SFMBT2: variants seen among roughly 807,000 people sequenced by gnomAD.
SFMBT2 encodes scm-like with four MBT domains protein 2.
Under a neutral mutation model 110.1 loss-of-function variants are expected in SFMBT2, and 38 were observed. The ratio of observed to expected loss-of-function variants is 0.35; its 90% CI spans 0.27 to 0.45. The LOEUF is 0.45. SFMBT2 is among the 20% of genes least tolerant of loss of function. The pLI is 1.00. For missense variants in SFMBT2, 1,011 were observed against 1,094.9 expected (o/e 0.92, Z 1.08); for synonymous variants, 425 against 425.4 (o/e 1.00, Z 0.01).
At position 7,285,952 on chromosome 10, in the gene SFMBT2, T is replaced by C. The variant is rs965507730; in HGVS notation, c.439A>G (p.Ile147Val). 1 of 871,124 alleles carries C rather than the reference T, an allele frequency of 1.1e-6. No homozygotes were observed. The allele number at this position is 871,124 out of a possible 1,614,324, so 54.0% of individuals were successfully genotyped here. Reference protein sequence around the residue: ...NNKVLMPPDAIKEKYTDWTEF... With the variant: ...NNKVLMPPDAVKEKYTDWTEF... The stretch of plus-strand genomic sequence containing the variant: ...GTCCAGTCTGTGTACTTCTCTTTGA[T>C]TGCTGGCAAGACAAAGGAGAAAGAA... The change falls in exon 5 of 21, where the codon ATC becomes GTC. Residue 147 changes from isoleucine to valine, a missense_variant and splice_region_variant. Ile to Val is a conservative substitution (Grantham distance 29). Around this residue, in one of 2 missense-constraint regions of SFMBT2, gnomAD observed 979 missense variants for 1,016.1 expected, o/e 0.96. Coordinates refer to ENST00000397167, the MANE Select transcript of SFMBT2 (RefSeq NM_001387889.1).
chr10:7,361,860 A>G (rs894857169), intron 4 of SFMBT2, among the ~76,000 whole-genome samples: 2 of 152,178 alleles, frequency 1.3e-5, no homozygotes, highest in African/African-American at 4.8e-5. Context: ...ATCTTCCACG[A>G]GCATCTTTTT....
rs1837574332 is a variant in SFMBT2 at position 7,162,454 on chromosome 10, G to A, written c.*1316C>T. 1 of 152,340 alleles carries A rather than the reference G, an allele frequency of 6.6e-6. No individual in the cohort carries two copies. The highest frequency in any genetic ancestry group is 1.5e-5 in the Non-Finnish European group (1 of 68,124). 9.4% of individuals were successfully genotyped at this position (152,340 alleles called of 1,614,324 possible). ...AGAGTTTGTTCTCAGCGAAACCAGG[G>A]TGCCAAGTGGCTGACTCCAGATTCA... On this transcript the variant is annotated 3_prime_UTR_variant, in exon 21 of 21. Transcript: ENST00000397167.
chr10:7,288,378 A>AT (rs1442329054), intron 4 of SFMBT2, among the ~76,000 whole-genome samples: 4 of 152,160 alleles, frequency 2.6e-5, no homozygotes, highest in Non-Finnish European at 4.4e-5. Flanking sequence ...TTATCACTAG[A>AT]TTTTTTCTCA....
intron 5 of SFMBT2, chr10:7,285,611 T>C (rs576371623): frequency 3.3e-4 from 146 of 437,010 alleles, no homozygotes; most frequent in African/African-American, 2.5e-3. Context: ...TCCTAGCATA[T>C]TGTGATTTAA....
At chr10:7,354,798 T>C (rs1303978482) in intron 4 of SFMBT2, among the ~76,000 whole-genome samples, 1 of 152,200 alleles carries the variant, frequency 6.6e-6, no homozygotes, top group Non-Finnish European at 1.5e-5. Flanking sequence ...ATCTTCATAA[T>C]GTCAATCAAA....
intron 7 of SFMBT2, among the ~76,000 whole-genome samples, chr10:7,267,902 C>T (rs1347136171): frequency 6.6e-6 from 1 of 152,212 alleles, no homozygotes; most frequent in African/African-American, 2.4e-5. Context: ...GAGCTTCTGT[C>T]TTCTCCCAGC....
At chr10:7,318,400 AT>A (rs967936729) in intron 4 of SFMBT2, among the ~76,000 whole-genome samples, 12 of 151,648 alleles carry the variant, frequency 7.9e-5, no homozygotes, top group African/African-American at 1.9e-4. Flanking sequence ...TAAAAGCATG[AT>A]TTTTTTTTCA....
At chr10:7,378,110 G>A (rs939912151) in intron 2 of SFMBT2, among the ~76,000 whole-genome samples, 59 of 150,054 alleles carry the variant, frequency 3.9e-4, no homozygotes, top group Non-Finnish European at 7.7e-4. Flanking sequence ...TGTATGGATG[G>A]GTGGATGATG....
chr10:7,346,624 ACT>A (rs1237946528), intron 4 of SFMBT2, among the ~76,000 whole-genome samples: 4 of 151,920 alleles, frequency 2.6e-5, no homozygotes, highest in Non-Finnish European at 4.4e-5. Flanking sequence ...ACATTTTAAC[ACT>A]CTTACATTTT....
intron 7 of SFMBT2, among the ~76,000 whole-genome samples, chr10:7,253,095 G>A (rs1840866029): frequency 6.6e-6 from 1 of 152,164 alleles, no homozygotes; most frequent in Non-Finnish European, 1.5e-5. Context: ...CCATGTGCCA[G>A]GAGGTGGGGG....
At chr10:7,173,689 C>T (rs939645100) in intron 17 of SFMBT2, among the ~76,000 whole-genome samples, 4 of 152,194 alleles carry the variant, frequency 2.6e-5, no homozygotes, top group African/African-American at 7.2e-5. Flanking sequence ...CATTCAATTA[C>T]GACCCAGACG....
chr10:7,384,897 C>T (rs564643138), intron 1 of SFMBT2, among the ~76,000 whole-genome samples: 1 of 152,340 alleles, frequency 6.6e-6, no homozygotes, highest in Admixed American at 6.5e-5. Flanking sequence ...CAGAACTAAA[C>T]ATCACCTAAC....
chr10:7,376,941 C>A (rs572350759), intron 2 of SFMBT2, among the ~76,000 whole-genome samples: 1 of 149,846 alleles, frequency 6.7e-6, no homozygotes, highest in East Asian at 2.0e-4. Flanking sequence ...GAGGCCGAGG[C>A]GGGCAAATCA....
At chr10:7,392,545 G>A (rs1374330038) in intron 1 of SFMBT2, among the ~76,000 whole-genome samples, 2 of 152,104 alleles carry the variant, frequency 1.3e-5, no homozygotes, top group African/African-American at 4.8e-5. Context: ...TCCTGCCACT[G>A]TAATTTGTAA....
chr10:7,200,365 C>A (rs758393137), intron 14 of SFMBT2, 49 bp downstream of exon 14: 1 of 1,436,932 alleles, frequency 7.0e-7, no homozygotes. Flanking sequence ...TCTCTGCTCC[C>A]GGCTGCACGG....
intron 4 of SFMBT2, among the ~76,000 whole-genome samples, chr10:7,333,568 T>G (rs796324662): frequency 3.3e-5 from 5 of 152,112 alleles, no homozygotes; most frequent in African/African-American, 1.2e-4. Context: ...AATTTTTTTT[T>G]TTTTGGTAGA....
chr10:7,359,956 A>C (rs971497306), intron 4 of SFMBT2, among the ~76,000 whole-genome samples: 1 of 152,238 alleles, frequency 6.6e-6, no homozygotes, highest in Admixed American at 6.5e-5. Context: ...CTTAAAATCT[A>C]CTTCAAACTG....
chr10:7,217,195 G>A (rs59914941), intron 11 of SFMBT2, among the ~76,000 whole-genome samples: 6,818 of 152,172 alleles, frequency 0.045, 464 homozygotes, highest in African/African-American at 0.15. Context: ...AGACTTTAAC[G>A]GGGAGAGAGT....
intron 12 of SFMBT2, 62 bp downstream of exon 12, chr10:7,205,753 T>C: frequency 1.3e-6 from 2 of 1,553,144 alleles, no homozygotes; most frequent in Non-Finnish European, 1.7e-6. Context: ...TTTATGAAGC[T>C]GCCAATTTAT....
Sources: gnomAD v4.1 joint callset for allele counts (sites outside exome capture counted in the v4.1 genomes callset) on GRCh38, gnomAD v4.1.1 for gene constraint, gnomAD v4.1.1 regional missense constraint, MANE v1.5 for transcripts, NCBI Gene and HGNC (gene_info 2026-07-23, HGNC 2026-07-21) for gene names.